The following KAZN variants were observed in gnomAD, a reference collection of about 807,000 sequenced individuals.
The protein encoded by KAZN is kazrin, periplakin interacting protein, also known as kazrin.
KAZN carries 40 observed loss-of-function variants against 87.4 expected under a neutral mutation model. The ratio of observed to expected loss-of-function variants is 0.46; its 90% CI spans 0.36 to 0.60. The LOEUF is 0.60. Ranked by LOEUF, KAZN falls within the 20% of genes least tolerant of loss-of-function variation. The probability of loss-of-function intolerance (pLI) is 0.00; values close to 1 mark genes in which losing one functional copy is unlikely to be tolerated. For missense variants in KAZN, 898 were observed against 1,073.9 expected, an observed-to-expected ratio of 0.84 and a Z score of 2.29; for synonymous variants, 466 against 458.3, an observed-to-expected ratio of 1.02 and a Z score of -0.22.
chr1:14,185,582 T>G (rs1221704986), intron 2 of KAZN, among the ~76,000 whole-genome samples: 1 of 152,214 alleles, frequency 6.6e-6, no homozygotes, highest in African/African-American at 2.4e-5. Flanking sequence ...AGCTTGTAGT[T>G]TTTTACATAA....
intron 2 of KAZN, among the ~76,000 whole-genome samples, chr1:14,383,525 T>C (rs1193086266): frequency 9.2e-5 from 14 of 151,828 alleles, no homozygotes; most frequent in Non-Finnish European, 1.3e-4. Context: ...GTTTCAGCTT[T>C]CTACATATGG....
chr1:14,298,537 T>C (rs1249362054), intron 2 of KAZN, among the ~76,000 whole-genome samples: 1 of 152,256 alleles, frequency 6.6e-6, no homozygotes, highest in Non-Finnish European at 1.5e-5. Flanking sequence ...ACGATTTTAA[T>C]GTTCTTTTGA....
At chr1:14,859,974 A>C (rs1000456867) in intron 1 of KAZN, among the ~76,000 whole-genome samples, 1 of 152,050 alleles carries the variant, frequency 6.6e-6, no homozygotes. Flanking sequence ...CTGCTGCTTG[A>C]GGTTACATGA....
At chr1:14,890,508 T>TA (rs1654583890) in intron 1 of KAZN, among the ~76,000 whole-genome samples, 1 of 35,328 alleles carries the variant, frequency 2.8e-5, no homozygotes, top group East Asian at 1.3e-3. Flanking sequence ...CAAATTTAAA[T>TA]CTTTTTTTTT....
chr1:13,941,256 A>G (rs548725935), intron 1 of KAZN, among the ~76,000 whole-genome samples: 2 of 152,292 alleles, frequency 1.3e-5, no homozygotes, highest in Admixed American at 1.3e-4. Context: ...TGCATAATCA[A>G]TGACTACTAC....
chr1:13,940,572 C>A (rs1166180109), intron 1 of KAZN, among the ~76,000 whole-genome samples: 1 of 151,886 alleles, frequency 6.6e-6, no homozygotes, highest in African/African-American at 2.4e-5. Context: ...AGATAATTTA[C>A]CAGAGAAGTA....
chr1:14,512,891 C>A (rs947553538), intron 2 of KAZN, among the ~76,000 whole-genome samples: 1 of 152,234 alleles, frequency 6.6e-6, no homozygotes, highest in South Asian at 2.1e-4. Context: ...GACGATCAGG[C>A]CGGCTCTTCT....
intron 1 of KAZN, among the ~76,000 whole-genome samples, chr1:13,906,296 C>G (rs1406497437): frequency 6.6e-6 from 1 of 152,078 alleles, no homozygotes; most frequent in Non-Finnish European, 1.5e-5. Flanking sequence ...ATAGACTTTC[C>G]CCTGAGTCTA....
intron 2 of KAZN, among the ~76,000 whole-genome samples, chr1:14,282,147 T>C (rs1386378021): frequency 2.6e-5 from 4 of 152,244 alleles, no homozygotes; most frequent in African/African-American, 4.8e-5. Context: ...TCTTATTGTA[T>C]ACTACGGGCT....
chr1:14,260,574 C>T (rs373746931), intron 2 of KAZN, among the ~76,000 whole-genome samples: 4 of 152,250 alleles, frequency 2.6e-5, no homozygotes, highest in East Asian at 1.9e-4. Flanking sequence ...TCATTAACTA[C>T]GATCCACCTG....
intron 1 of KAZN, among the ~76,000 whole-genome samples, chr1:14,068,127 C>G (rs894842776): frequency 2.4e-4 from 35 of 148,288 alleles, no homozygotes; most frequent in Admixed American, 8.1e-4. Flanking sequence ...TGTTCCCCCC[C>G]CCAACAATTG....
intron 2 of KAZN, among the ~76,000 whole-genome samples, chr1:14,521,075 C>T (rs1257656727): frequency 2.0e-5 from 3 of 152,166 alleles, no homozygotes; most frequent in Non-Finnish European, 2.9e-5. Context: ...AGACAAAATC[C>T]AGATGAGCTT....
intron 2 of KAZN, among the ~76,000 whole-genome samples, chr1:14,425,010 A>G (rs1439241548): frequency 6.6e-6 from 1 of 152,226 alleles, no homozygotes. Flanking sequence ...AACATAAGTC[A>G]CTTTAACAAA....
At chr1:14,633,622 T>C (rs1237676268) in intron 1 of KAZN, among the ~76,000 whole-genome samples, 1 of 152,128 alleles carries the variant, frequency 6.6e-6, no homozygotes, top group African/African-American at 2.4e-5. Context: ...GCCGCTAAGT[T>C]TGTGGTGATT....
chr1:14,197,154 G>A (rs1646542914), intron 2 of KAZN, among the ~76,000 whole-genome samples: 1 of 152,010 alleles, frequency 6.6e-6, no homozygotes, highest in Non-Finnish European at 1.5e-5. Flanking sequence ...TTTTACCAAG[G>A]GGCAGATCAT....
chr1:14,993,417 C>T (rs532007097), intron 2 of KAZN, among the ~76,000 whole-genome samples: 46 of 151,676 alleles, frequency 3.0e-4, no homozygotes, highest in African/African-American at 1.1e-3. Flanking sequence ...TGCAGTGAGC[C>T]AAGATCACGC....
chr1:14,402,826 T>C (rs540482846), intron 2 of KAZN, among the ~76,000 whole-genome samples: 12 of 151,882 alleles, frequency 7.9e-5, no homozygotes, highest in East Asian at 7.8e-4. Flanking sequence ...CAAATGGATA[T>C]AGAAACTTTT....
At chr1:14,363,490 A>G (rs144123707) in intron 2 of KAZN, among the ~76,000 whole-genome samples, 14 of 152,342 alleles carry the variant, frequency 9.2e-5, no homozygotes, top group African/African-American at 3.4e-4. Context: ...GGAGGAACAC[A>G]GAAGTAATGA....
rs575510970 is a variant in KAZN at position 14,446,488 on chromosome 1, C to G, written c.250-152495C>G. Reference sequence around the variant, plus strand: ...GCTAGTGGGTCAATAACTATAGTCTCAATCTATGTGGACTCTAATTCAATT... The same window carrying G: ...GCTAGTGGGTCAATAACTATAGTCTGAATCTATGTGGACTCTAATTCAATT... On this transcript the variant is annotated intron_variant, in intron 2 of 16. Coordinates refer to the KAZN transcript ENST00000636203. Among the ~76,000 whole-genome samples, 6 of 152,234 alleles carry G rather than the reference C, an allele frequency of 3.9e-5. No homozygotes were observed. In the South Asian group the frequency reaches 1.2e-3, roughly 32 times the overall value.
Sources: gnomAD v4.1 joint callset for allele counts (sites outside exome capture counted in the v4.1 genomes callset) on GRCh38, gnomAD v4.1.1 for gene constraint, MANE v1.5 for transcripts, NCBI Gene and HGNC (gene_info 2026-07-23, HGNC 2026-07-21) for gene names.